The following TRIM33 variants were observed in gnomAD, a reference collection of about 807,000 sequenced individuals.
The protein encoded by TRIM33 is tripartite motif containing 33.
Under a neutral mutation model 125.4 loss-of-function variants are expected in TRIM33, and 20 were observed. That is an observed-to-expected ratio of 0.16 (90% CI 0.11 to 0.23). TRIM33 has a LOEUF of 0.23. Among genes scored for constraint, TRIM33 ranks in the 10% least tolerant of loss-of-function variants. The probability of loss-of-function intolerance (pLI) is 1.00; values close to 1 mark genes in which losing one functional copy is unlikely to be tolerated. For synonymous variants in TRIM33, 564 were observed against 513.9 expected (o/e 1.10, Z -1.32); for missense variants, 920 against 1,411.4 (o/e 0.65, Z 5.58).
Position 114,510,852 on chromosome 1 carries a change from G to C in TRIM33, c.225C>G (p.Ala75=). 1 of 1,483,506 alleles carries C rather than the reference G, an allele frequency of 6.7e-7. No homozygotes were observed. Among genetic ancestry groups the C allele is most frequent in the Non-Finnish European group, 8.9e-7 (1 of 1,124,130 alleles). The allele number at this position is 1,483,506 out of a possible 1,614,324, so 91.9% of individuals were successfully genotyped here. A position where few individuals can be genotyped will look rare whatever the true frequency, so the allele number is the denominator to read the frequency against. The change falls in exon 1 of 20, where the codon GCC becomes GCG. Residue 75 remains alanine, a synonymous_variant. Transcript: ENST00000358465. ...AGGCCGCAGGAGATGAAGCAGCCTG[G>C]GCCGAGCCCGAGGAGGCCGCGGCCA... ...GGVAAASSGS[A]QAASSPAASV...
At position 114,397,453 on chromosome 1, in the gene TRIM33, C is replaced by G. The variant is rs1018634761; in HGVS notation, c.*195G>C. ...TGAAACTTGCAAACAGACTTCTCTC[C>G]CCCTTTCTTGACAAGAATGTGTTTC... is the stretch of plus-strand genomic sequence containing the variant. On this transcript the variant is annotated 3_prime_UTR_variant, in exon 20 of 20. Transcript: ENST00000358465. The G allele has an allele frequency of 7.5e-5, 42 of 557,460 alleles. 1 individual carries two copies. Among genetic ancestry groups the G allele is most frequent in the African/African-American group, 7.4e-4 (39 of 52,948 alleles). 34.5% of individuals were successfully genotyped at this position (557,460 alleles called of 1,614,324 possible). A position where few individuals can be genotyped will look rare whatever the true frequency, so the allele number is the denominator to read the frequency against.
intron 6 of TRIM33, 110 bp from the exon 7 acceptor site, chr1:114,428,004 G>C: frequency 1.8e-6 from 2 of 1,096,564 alleles, no homozygotes; most frequent in South Asian, 3.3e-5. Context: ...AATGGGCTAA[G>C]TGAATAAGCT....
intron 10 of TRIM33, 42 bp from the exon 11 acceptor site, chr1:114,421,678 A>T: frequency 6.3e-7 from 1 of 1,580,974 alleles, no homozygotes. Context: ...ATCTGCCAGA[A>T]TCGCTGAATA....
At chr1:114,473,901 T>C (rs1650811125) in intron 1 of TRIM33, among the ~76,000 whole-genome samples, 1 of 152,176 alleles carries the variant, frequency 6.6e-6, no homozygotes, top group Non-Finnish European at 1.5e-5. Flanking sequence ...TGCTATATAC[T>C]GTTTACCAGA....
chr1:114,413,045 A>T (rs1652689854), intron 11 of TRIM33, among the ~76,000 whole-genome samples: 1 of 152,254 alleles, frequency 6.6e-6, no homozygotes, highest in Non-Finnish European at 1.5e-5. Context: ...AATTTTAGCC[A>T]TCCTAATAAG....
intron 4 of TRIM33, among the ~76,000 whole-genome samples, chr1:114,459,410 T>G (rs911724050): frequency 2.6e-5 from 4 of 152,174 alleles, no homozygotes; most frequent in Admixed American, 2.0e-4. Flanking sequence ...TTGTGGAAAC[T>G]CTGTACCCCT....
chr1:114,507,511 G>C (rs1020600028), intron 1 of TRIM33, among the ~76,000 whole-genome samples: 2 of 152,208 alleles, frequency 1.3e-5, no homozygotes, highest in African/African-American at 4.8e-5. Context: ...ATGATCTCCA[G>C]ACCAGAGATG....
At chr1:114,430,415 T>C (rs1166361401) in intron 6 of TRIM33, among the ~76,000 whole-genome samples, 1 of 152,110 alleles carries the variant, frequency 6.6e-6, no homozygotes, top group Non-Finnish European at 1.5e-5. Context: ...GGCTAATTTT[T>C]GTATTTTTTG....
At chr1:114,449,409 G>A (rs1649181907) in intron 4 of TRIM33, among the ~76,000 whole-genome samples, 1 of 152,216 alleles carries the variant, frequency 6.6e-6, no homozygotes, top group Non-Finnish European at 1.5e-5. Flanking sequence ...AAGTGTGACA[G>A]ATGAGGGGAC....
chr1:114,456,872 T>C (rs1464309118), intron 4 of TRIM33, among the ~76,000 whole-genome samples: 1 of 152,152 alleles, frequency 6.6e-6, no homozygotes, highest in East Asian at 1.9e-4. Context: ...AGTGATGACA[T>C]GTGACCAACA....
At position 114,394,768 on chromosome 1, in the gene TRIM33, G is replaced by C. The variant is rs1008218620; in HGVS notation, c.*2880C>G. 3 of 200,820 alleles carry C rather than the reference G, an allele frequency of 1.5e-5. No individual in the cohort carries two copies. Among genetic ancestry groups the C allele is most frequent in the Admixed American group, 6.0e-5 (1 of 16,636 alleles). The allele number at this position is 200,820 out of a possible 1,614,324, so 12.4% of individuals were successfully genotyped here. A position where few individuals can be genotyped will look rare whatever the true frequency, so the allele number is the denominator to read the frequency against. ...ACTTTCACATGCTTTGCCTCATAAA[G>C]CAATTCCTTCACTCAGTGAATTGGC... On this transcript the variant is annotated 3_prime_UTR_variant, in exon 20 of 20. Coordinates refer to ENST00000358465, the MANE Select transcript of TRIM33 (RefSeq NM_015906.4).
Position 114,449,849 on chromosome 1 carries a change from T to G in TRIM33, c.923+13255A>C, listed in dbSNP as rs116764046. Among the ~76,000 whole-genome samples, 1,443 of 152,276 alleles carry G rather than the reference T, an allele frequency of 9.5e-3. 21 individuals are homozygous for G. The highest frequency in any genetic ancestry group is 0.033 in the African/African-American group (1,360 of 41,544). ...ACAAATTTAATAGACATGGTTCCAT[T>G]TTTTTCCTGGAGACCTTCTTCACAG... On this transcript the variant is annotated intron_variant, in intron 4 of 19. Coordinates refer to ENST00000358465, the MANE Select transcript of TRIM33 (RefSeq NM_015906.4).
intron 6 of TRIM33, 30 bp from the exon 7 acceptor site, chr1:114,427,924 ATTCC>A: frequency 1.2e-6 from 2 of 1,606,824 alleles, no homozygotes; most frequent in Admixed American, 1.7e-5. Flanking sequence ...TCGCTGTAGA[ATTCC>A]ATATGAAAAA....
At chr1:114,467,947 T>C (rs1650404362) in intron 1 of TRIM33, among the ~76,000 whole-genome samples, 1 of 152,158 alleles carries the variant, frequency 6.6e-6, no homozygotes, top group Non-Finnish European at 1.5e-5. Context: ...TTGAGAGAAT[T>C]TATACCTACA....
intron 1 of TRIM33, among the ~76,000 whole-genome samples, chr1:114,492,398 G>A (rs1652125579): frequency 6.6e-6 from 1 of 152,056 alleles, no homozygotes; most frequent in South Asian, 2.1e-4. Flanking sequence ...TGTATATTAT[G>A]TATACAAGTA....
chr1:114,420,502 T>A, intron 11 of TRIM33: 3 of 923,632 alleles, frequency 3.2e-6, no homozygotes, highest in South Asian at 1.4e-5. Context: ...AAAGTGATAT[T>A]AATCCACCAT....
Position 114,394,152 on chromosome 1 carries a change from G to A in TRIM33, c.*3496C>T, listed in dbSNP as rs1651419927. The A allele has an allele frequency of 4.4e-6, 1 of 229,024 alleles. No individual in the cohort carries two copies. Among genetic ancestry groups the A allele is most frequent in the African/African-American group, 2.2e-5 (1 of 45,094 alleles). 14.2% of individuals were successfully genotyped at this position (229,024 alleles called of 1,614,324 possible). On this transcript the variant is annotated 3_prime_UTR_variant, in exon 20 of 20. Transcript: ENST00000358465. The stretch of plus-strand genomic sequence containing the variant: ...AATTAAGAATCTGTTTTAACTAAGG[G>A]AGTTGGGTGCGTGGATTTTTTATAA...
chr1:114,445,652 T>G (rs1042921143), intron 4 of TRIM33, among the ~76,000 whole-genome samples: 1 of 151,704 alleles, frequency 6.6e-6, no homozygotes, highest in African/African-American at 2.4e-5. Context: ...AACTCCATGG[T>G]CAAAAGGGAA....
intron 1 of TRIM33, among the ~76,000 whole-genome samples, chr1:114,472,442 T>A (rs1424419735): frequency 6.6e-6 from 1 of 152,176 alleles, no homozygotes; most frequent in Non-Finnish European, 1.5e-5. Flanking sequence ...GAAAACAAAA[T>A]ACAGAAGTGG....
Sources: gnomAD v4.1 joint callset for allele counts (sites outside exome capture counted in the v4.1 genomes callset) on GRCh38, gnomAD v4.1.1 for gene constraint, MANE v1.5 for transcripts, NCBI Gene and HGNC (gene_info 2026-07-23, HGNC 2026-07-21) for gene names.